CYSLTR1: variants seen among roughly 807,000 people sequenced by gnomAD.
CYSLTR1 encodes the protein cysteinyl leukotriene receptor 1.
A neutral mutation model predicts 2.1 loss-of-function variants in CYSLTR1; 1 was observed. The observed-to-expected ratio is 0.48, with a 90% CI of 0.17 to 2.28. The LOEUF (loss-of-function observed/expected upper bound fraction) is 2.28, where lower values mean the gene tolerates loss of function less well. Among genes scored for constraint, CYSLTR1 ranks in the 30% most tolerant of loss-of-function variants. CYSLTR1 has a pLI of 0.26. For missense variants in CYSLTR1, 299 were observed against 250.1 expected (o/e 1.20, Z -1.32); for synonymous variants, 110 against 89.6 (o/e 1.23, Z -1.28).
intron 2 of CYSLTR1, among the ~76,000 whole-genome samples, chrX:78,278,167 G>GA (rs1339559751): frequency 8.9e-6 from 1 of 111,779 alleles, no homozygotes; most frequent in Non-Finnish European, 1.9e-5. Context: ...CCAAGGTGAG[G>GA]AAAAAATCTC....
intron 1 of CYSLTR1, among the ~76,000 whole-genome samples, chrX:78,286,873 T>C (rs1423684044): frequency 9.0e-6 from 1 of 111,582 alleles, no homozygotes; most frequent in Non-Finnish European, 1.9e-5. Flanking sequence ...CCATCTACTA[T>C]GTGTGTTGTG....
intron 1 of CYSLTR1, among the ~76,000 whole-genome samples, chrX:78,315,098 C>A (rs1479829961): frequency 9.4e-6 from 1 of 106,406 alleles, no homozygotes; most frequent in Non-Finnish European, 1.9e-5. Context: ...GGATAGGGCA[C>A]CTGTTAGAGC....
chrX:78,321,853 A>G (rs781345111), intron 1 of CYSLTR1, among the ~76,000 whole-genome samples: 2 of 111,710 alleles, frequency 1.8e-5, no homozygotes, highest in East Asian at 5.6e-4. Flanking sequence ...TAGCAGAGAC[A>G]AAAAGATTAA....
At chrX:78,298,868 C>T (rs751088249) in intron 1 of CYSLTR1, among the ~76,000 whole-genome samples, 40 of 111,322 alleles carry the variant, frequency 3.6e-4, no homozygotes, top group Middle Eastern at 4.6e-3. Flanking sequence ...AGTTCATATA[C>T]ATTCAATGTC....
chrX:78,318,462 A>G (rs774908631), intron 1 of CYSLTR1, among the ~76,000 whole-genome samples: 1 of 111,685 alleles, frequency 9.0e-6, no homozygotes, highest in African/African-American at 3.3e-5. Context: ...TGGTGACAAA[A>G]TAATCTGTAC....
At chrX:78,289,012 G>A (rs776239292) in intron 1 of CYSLTR1, among the ~76,000 whole-genome samples, 6 of 108,580 alleles carry the variant, frequency 5.5e-5, no homozygotes, top group African/African-American at 2.0e-4. Flanking sequence ...TGTGCACAAC[G>A]TGCAGGTTTG....
chrX:78,316,756 A>G (rs921580164), intron 1 of CYSLTR1, among the ~76,000 whole-genome samples: 8 of 112,299 alleles, frequency 7.1e-5, no homozygotes, highest in Admixed American at 6.6e-4. Flanking sequence ...TATTCAGAAA[A>G]TGTTGCTGAA....
intron 1 of CYSLTR1, among the ~76,000 whole-genome samples, chrX:78,286,174 C>A (rs1841214800): frequency 9.0e-6 from 1 of 110,807 alleles, no homozygotes; most frequent in Non-Finnish European, 1.9e-5. Context: ...ATGTCAGGCC[C>A]CAGGTTAGTT....
intron 1 of CYSLTR1, among the ~76,000 whole-genome samples, chrX:78,315,798 G>A (rs1030648942): frequency 8.9e-6 from 1 of 112,152 alleles, no homozygotes; most frequent in Non-Finnish European, 1.9e-5. Flanking sequence ...ACTCCTGAAC[G>A]GCACCACAGG....
At chrX:78,299,663 T>G (rs1282655510) in intron 1 of CYSLTR1, among the ~76,000 whole-genome samples, 1 of 111,501 alleles carries the variant, frequency 9.0e-6, no homozygotes, top group Non-Finnish European at 1.9e-5. Context: ...CCAGAGGTAT[T>G]GGAGCTTCAT....
intron 1 of CYSLTR1, among the ~76,000 whole-genome samples, chrX:78,288,632 C>T (rs905494727): frequency 9.0e-6 from 1 of 111,623 alleles, no homozygotes; most frequent in Non-Finnish European, 1.9e-5. Context: ...TGTTTTGATA[C>T]AGGCATGCAA....
intron 1 of CYSLTR1, chrX:78,321,681 A>AC (rs1923665757): frequency 2.0e-5 from 1 of 49,824 alleles, no homozygotes; most frequent in Non-Finnish European, 3.6e-5. Context: ...CAAGAGTGAA[A>AC]CCCTGTCTCA....
intron 1 of CYSLTR1, among the ~76,000 whole-genome samples, chrX:78,288,843 T>A (rs945331914): frequency 9.0e-6 from 1 of 111,571 alleles, no homozygotes; most frequent in Admixed American, 9.5e-5. Flanking sequence ...CCATCAACCA[T>A]CCCCACCTCC....
At chrX:78,312,452 AC>A (rs1923251948) in intron 1 of CYSLTR1, among the ~76,000 whole-genome samples, 1 of 112,142 alleles carries the variant, frequency 8.9e-6, no homozygotes, top group Non-Finnish European at 1.9e-5. Flanking sequence ...ATCAATTCCA[AC>A]AAAAACAAAA....
intron 1 of CYSLTR1, among the ~76,000 whole-genome samples, chrX:78,288,689 C>G (rs1440888111): frequency 8.9e-6 from 1 of 111,892 alleles, no homozygotes; most frequent in Non-Finnish European, 1.9e-5. Context: ...TCTCCTCAAG[C>G]ATTTGTCCTT....
In CYSLTR1 at chrX:78,310,971, T is replaced by G. The variant is rs140037357; in HGVS notation, c.-115+16334A>C. 3.9e-3 allele frequency among the ~76,000 whole-genome samples: 432 copies of G among 110,160 alleles called. 2 individuals carry two copies. The highest frequency in any genetic ancestry group is 0.014 in the African/African-American group (414 of 30,297). ...AGGTAGAAAAGAAATGCAGAAAGTA[T>G]ATCCTAAAGGGTGTTATATACCATT... On this transcript the variant is annotated intron_variant, in intron 1 of 2. Transcript: ENST00000373304.
intron 1 of CYSLTR1, among the ~76,000 whole-genome samples, chrX:78,325,602 T>C (rs1368337209): frequency 8.9e-6 from 1 of 111,965 alleles, no homozygotes; most frequent in Non-Finnish European, 1.9e-5. Context: ...GTTATCCCAG[T>C]TACCCCGTTT....
At chrX:78,307,335 T>G (rs1232150316) in intron 1 of CYSLTR1, among the ~76,000 whole-genome samples, 1 of 111,844 alleles carries the variant, frequency 8.9e-6, no homozygotes, top group Non-Finnish European at 1.9e-5. Flanking sequence ...TATTGCTAGC[T>G]GTTGACCAGG....
intron 1 of CYSLTR1, among the ~76,000 whole-genome samples, chrX:78,283,953 G>C (rs903498183): frequency 8.9e-6 from 1 of 112,021 alleles, no homozygotes; most frequent in Non-Finnish European, 1.9e-5. Flanking sequence ...ATAGGTGTTA[G>C]AACATTAAAA....
Sources: gnomAD v4.1 joint callset for allele counts (sites outside exome capture counted in the v4.1 genomes callset) on GRCh38, gnomAD v4.1.1 for gene constraint, MANE v1.5 for transcripts, NCBI Gene and HGNC (gene_info 2026-07-23, HGNC 2026-07-21) for gene names.